PPP1R12B: variants seen among roughly 807,000 people sequenced by gnomAD.
PPP1R12B encodes myosin phosphatase target subunit 2.
Under a neutral mutation model 126.1 loss-of-function variants are expected in PPP1R12B, and 76 were observed. The ratio of observed to expected loss-of-function variants is 0.60; its 90% CI spans 0.50 to 0.73. PPP1R12B has a LOEUF of 0.73. Ranked by LOEUF, PPP1R12B falls within the 30% of genes least tolerant of loss-of-function variation. The pLI is 0.00. For synonymous variants in PPP1R12B, 356 were observed against 434.7 expected (o/e 0.82, Z 2.25); for missense variants, 1,052 against 1,205.1 (o/e 0.87, Z 1.88).
intron 9 of PPP1R12B, 101 bp from the exon 10 acceptor site, chr1:202,437,720 G>A (rs1003192424): frequency 1.2e-5 from 13 of 1,057,212 alleles, no homozygotes; most frequent in Admixed American, 1.0e-4. Context: ...GCTACCTTAT[G>A]TTGCCTCGCT....
intron 5 of PPP1R12B, 29 bp downstream of exon 5, chr1:202,427,213 A>C: frequency 6.2e-7 from 1 of 1,610,642 alleles, no homozygotes; most frequent in Non-Finnish European, 8.5e-7. Context: ...CTAAAAGAAC[A>C]ACGAGATTGG....
intron 18 of PPP1R12B, among the ~76,000 whole-genome samples, chr1:202,542,868 C>T (rs2148965959): frequency 6.6e-6 from 1 of 152,304 alleles, no homozygotes; most frequent in South Asian, 2.1e-4. Context: ...CTCTTCCAAA[C>T]TTCTTTAACT....
intron 2 of PPP1R12B, among the ~76,000 whole-genome samples, chr1:202,418,549 T>C (rs1207497153): frequency 6.6e-6 from 1 of 152,148 alleles, no homozygotes; most frequent in Non-Finnish European, 1.5e-5. Context: ...GTTCACAATA[T>C]AACAATCTCT....
Position 202,404,703 on chromosome 1 carries a change from G to A in PPP1R12B, c.292-12084G>A, listed in dbSNP as rs1666344334. Among the ~76,000 whole-genome samples, 4 of 152,078 alleles carry A rather than the reference G, an allele frequency of 2.6e-5. No homozygotes were observed. In the South Asian group the frequency reaches 8.3e-4, roughly 31 times the overall value. The stretch of plus-strand genomic sequence containing the variant: ...TTTTTAGTAGAGACGGGGTTTCACT[G>A]TGTTAGCCAGGATGGTCTTGATCTC... On this transcript the variant is annotated intron_variant, in intron 1 of 23. Transcript: ENST00000608999.
chr1:202,420,967 CTT>C (rs56164548), intron 2 of PPP1R12B, among the ~76,000 whole-genome samples: 20 of 118,544 alleles, frequency 1.7e-4, no homozygotes, highest in African/African-American at 6.1e-4. Context: ...CCTCTGCCAA[CTT>C]TTTTTTTTTT....
Position 202,496,834 on chromosome 1 carries a change from G to T in PPP1R12B, c.2490+12G>T. 1 of 1,607,280 alleles carries T rather than the reference G, an allele frequency of 6.2e-7. No homozygotes were observed. The highest frequency in any genetic ancestry group is 2.2e-5 in the East Asian group (1 of 44,818). The stretch of plus-strand genomic sequence containing the variant: ...TCAAAGAAACGTGGGTAAGTGACAA[G>T]CCAGTGAAGCATGTCTCTTGAGAGC... On this transcript the variant is annotated intron_variant, in intron 18 of 23. Coordinates refer to ENST00000608999, the MANE Select transcript of PPP1R12B (RefSeq NM_002481.4).
chr1:202,450,905 G>A (rs1183932463), intron 13 of PPP1R12B, among the ~76,000 whole-genome samples: 1 of 152,116 alleles, frequency 6.6e-6, no homozygotes, highest in Non-Finnish European at 1.5e-5. Context: ...AATAGCATTG[G>A]TATTTTGATA....
At chr1:202,567,394 TG>T (rs1288436993) in intron 21 of PPP1R12B, 1 of 166,400 alleles carries the variant, frequency 6.0e-6, no homozygotes, top group Non-Finnish European at 1.3e-5. Context: ...TTTTTTTTTT[TG>T]TTATTTCCTC....
chr1:202,396,419 C>G (rs1664988228), intron 1 of PPP1R12B, among the ~76,000 whole-genome samples: 2 of 152,034 alleles, frequency 1.3e-5, no homozygotes, highest in African/African-American at 4.8e-5. Context: ...CACTGACATT[C>G]ATTATGTGGG....
intron 23 of PPP1R12B, chr1:202,575,187 G>T (rs756585083): frequency 6.4e-6 from 10 of 1,573,432 alleles, no homozygotes; most frequent in East Asian, 2.3e-5. Flanking sequence ...CTCCAGGCAG[G>T]TTCAGTCTTC....
chr1:202,400,807 G>A (rs1431507584), intron 1 of PPP1R12B, among the ~76,000 whole-genome samples: 33 of 152,148 alleles, frequency 2.2e-4, no homozygotes, highest in Non-Finnish European at 1.9e-4. Flanking sequence ...GCAGAAAGAA[G>A]TTAAGTAACT....
chr1:202,365,515 T>A (rs953064916), intron 1 of PPP1R12B, among the ~76,000 whole-genome samples: 1 of 152,248 alleles, frequency 6.6e-6, no homozygotes, highest in African/African-American at 2.4e-5. Context: ...AAATTATCTT[T>A]ACATCAACAG....
intron 1 of PPP1R12B, 58 bp from the exon 2 acceptor site, chr1:202,416,729 G>A (rs1474132530): frequency 6.6e-7 from 1 of 1,520,068 alleles, no homozygotes; most frequent in African/African-American, 1.4e-5. Flanking sequence ...GCAGTGTCTG[G>A]CACATAGTGG....
At chr1:202,361,138 C>G (rs1658125756) in intron 1 of PPP1R12B, among the ~76,000 whole-genome samples, 2 of 152,152 alleles carry the variant, frequency 1.3e-5, no homozygotes, top group South Asian at 4.1e-4. Flanking sequence ...TGTGATCCGC[C>G]CGCCTCGGCC....
chr1:202,578,267 C>A (rs1297345106), intron 23 of PPP1R12B, among the ~76,000 whole-genome samples: 1 of 152,182 alleles, frequency 6.6e-6, no homozygotes, highest in Non-Finnish European at 1.5e-5. Flanking sequence ...CAGCTTAGTT[C>A]TGATTTGATG....
At chr1:202,448,810 C>T (rs1034415899) in intron 12 of PPP1R12B, among the ~76,000 whole-genome samples, 179 bp from the exon 13 acceptor site, 1 of 152,174 alleles carries the variant, frequency 6.6e-6, no homozygotes, top group Non-Finnish European at 1.5e-5. Context: ...GGATGTCAGA[C>T]TAAACATGTA....
intron 10 of PPP1R12B, chr1:202,439,466 C>T (rs2293551): frequency 0.49 from 709,474 of 1,454,706 alleles, 178,852 homozygotes; most frequent in East Asian, 0.71. Flanking sequence ...CCAAGTGCCC[C>T]GGCAAGGGTG....
chr1:202,406,847 T>A (rs562809934), intron 1 of PPP1R12B, among the ~76,000 whole-genome samples: 1 of 152,358 alleles, frequency 6.6e-6, no homozygotes, highest in Non-Finnish European at 1.5e-5. Context: ...GACTTTCTTA[T>A]ATTCAAGTGT....
intron 1 of PPP1R12B, among the ~76,000 whole-genome samples, chr1:202,383,723 C>CA (rs899216534): frequency 1.3e-4 from 20 of 149,196 alleles, no homozygotes; most frequent in African/African-American, 2.0e-4. Flanking sequence ...GACTGTGTCT[C>CA]AAAAAAAAAG....
Sources: gnomAD v4.1 joint callset for allele counts (sites outside exome capture counted in the v4.1 genomes callset) on GRCh38, gnomAD v4.1.1 for gene constraint, MANE v1.5 for transcripts, NCBI Gene and HGNC (gene_info 2026-07-23, HGNC 2026-07-21) for gene names.